The following SH2D3A variants were observed in gnomAD, a reference collection of about 807,000 sequenced individuals.
The protein encoded by SH2D3A is SH2 domain-containing protein 3A.
A neutral mutation model predicts 50.6 loss-of-function variants in SH2D3A; 46 were observed. The ratio of observed to expected loss-of-function variants is 0.91; its 90% CI spans 0.72 to 1.16. The LOEUF (loss-of-function observed/expected upper bound fraction) is 1.16, where lower values mean the gene tolerates loss of function less well. SH2D3A is among the 50% of genes most tolerant of loss of function. The pLI, the probability that SH2D3A is intolerant of heterozygous loss-of-function variation, is 0.00. For synonymous variants in SH2D3A, 377 were observed against 348.4 expected (o/e 1.08, Z -0.91); for missense variants, 783 against 786.2 (o/e 1.00, Z 0.05).
At chr19:6,756,191 TAAATA>T (rs1156936835) in intron 4 of SH2D3A, among the ~76,000 whole-genome samples, 1 of 148,320 alleles carries the variant, frequency 6.7e-6, no homozygotes, top group Non-Finnish European at 1.5e-5. Flanking sequence ...AAGTATATGT[TAAATA>T]AAATTAACAT....
chr19:6,766,598 C>T (rs1382775508), intron 1 of SH2D3A, among the ~76,000 whole-genome samples: 1 of 152,220 alleles, frequency 6.6e-6, no homozygotes, highest in Non-Finnish European at 1.5e-5. Context: ...TGACGTTGGA[C>T]GACCATTGCT....
chr19:6,765,946 C>A (rs940401992), intron 1 of SH2D3A, among the ~76,000 whole-genome samples: 8 of 152,132 alleles, frequency 5.3e-5, no homozygotes, highest in African/African-American at 1.9e-4. Flanking sequence ...GGCCTCAGGG[C>A]CAGTGTGTCT....
Position 6,763,827 on chromosome 19 carries a change from G to C in SH2D3A, c.-68-11C>G. ...CTCAGTCTTCCACATCTGTAAAAGG[G>C]GAATAATTAGCCCTGCTTGAGTGTC... On this transcript the variant is annotated splice_polypyrimidine_tract_variant and intron_variant, in intron 1 of 9. Transcript: ENST00000245908. 1 of 1,191,230 alleles carries C rather than the reference G, an allele frequency of 8.4e-7. No homozygotes were observed. Among genetic ancestry groups the C allele is most frequent in the South Asian group, 1.3e-5 (1 of 75,754 alleles). The allele number at this position is 1,191,230 out of a possible 1,614,324, so 73.8% of individuals were successfully genotyped here. A position where few individuals can be genotyped will look rare whatever the true frequency, so the allele number is the denominator to read the frequency against.
In SH2D3A at chr19:6,752,945, G is replaced by T. The variant is rs988710111; in HGVS notation, c.1571-192C>A. 8.6e-5 allele frequency: 85 copies of T among 985,364 alleles called. No individual in the cohort carries two copies. In the Admixed American group the frequency reaches 2.2e-3, roughly 26 times the overall value. The allele number at this position is 985,364 out of a possible 1,614,324, so 61.0% of individuals were successfully genotyped here. Reference sequence around the variant, plus strand: ...CCAGCTCTCTGCAGGAATGGGGGTGGGGTGCCTGAGGGGCTCTACCGCAGT... The same window carrying T: ...CCAGCTCTCTGCAGGAATGGGGGTGTGGTGCCTGAGGGGCTCTACCGCAGT... On this transcript the variant is annotated intron_variant, in intron 9 of 9. Transcript: ENST00000245908.
At chr19:6,762,829 A>T (rs184367022) in intron 2 of SH2D3A, among the ~76,000 whole-genome samples, 156 of 151,388 alleles carry the variant, frequency 1.0e-3, no homozygotes, top group Admixed American at 2.2e-3. Flanking sequence ...TGCTATCCCT[A>T]TGTTAAAGAT....
At chr19:6,757,190 TG>T (rs1258512119) in intron 4 of SH2D3A, 1 of 151,878 alleles carries the variant, frequency 6.6e-6, no homozygotes, top group Non-Finnish European at 1.5e-5. Context: ...CTAAGACTTT[TG>T]GGAGACTGTA....
chr19:6,754,055 C>A lies in SH2D3A; in HGVS notation c.1381G>T (p.Ala461Ser). 6.2e-7 allele frequency: 1 copy of A among 1,600,562 alleles called. No homozygotes were observed. Among genetic ancestry groups the A allele is most frequent in the Non-Finnish European group, 8.5e-7 (1 of 1,172,518 alleles). ...TAAGCCCCAGACCTTCACTTACCAG[C>A]GCCCTCATCCAGAGCCCGCATCAGC... ...KPLMRALDEG[A>S]GPCDPGEVAL... The change falls in exon 8 of 10, where the codon GCT becomes TCT. Residue 461 changes from alanine (A) to serine (S), a missense_variant. Ala to Ser is a moderately conservative substitution (Grantham distance 99). Transcript: ENST00000245908.
rs1190769452 is a variant in SH2D3A, at chr19:6,755,048, G to GC, written c.763dup (p.Ala255GlyfsTer10). The GC allele has an allele frequency of 1.2e-6, 2 of 1,614,038 alleles. No homozygotes were observed. Among genetic ancestry groups the GC allele is most frequent in the Non-Finnish European group, 1.7e-6 (2 of 1,180,022 alleles). ...ATCCTCCTCGGCCTCCCACCATGGG[G>GC]CCTCTGGCTCTGGGCAGCTTTGGCT... On this transcript the variant is annotated frameshift_variant, in exon 5 of 10. Coordinates refer to ENST00000245908, the MANE Select transcript of SH2D3A (RefSeq NM_005490.3). LOFTEE classifies it high-confidence loss of function.
At position 6,753,594 on chromosome 19, in the gene SH2D3A, C is replaced by G; in HGVS notation, c.1432G>C (p.Val478Leu). 3 of 1,590,468 alleles carry G rather than the reference C, an allele frequency of 1.9e-6. No individual in the cohort carries two copies. In the African/African-American group the frequency reaches 4.0e-5, roughly 21 times the overall value. The change falls in exon 9 of 10, where the codon GTT (valine) becomes CTT (leucine). Residue 478 changes from valine to leucine, a missense_variant. By Grantham distance (32) the Val-to-Leu change is conservative. Transcript: ENST00000245908. ...EVALPHVAPM[V>L]RLLEGEEVAG... ...ACTTCCTCGCCCTCCAGTAGGCGAA[C>G]CATGGGTGCCACGTGCGGCAGCGCC...
At chr19:6,753,330 G>T in intron 9 of SH2D3A, 126 bp downstream of exon 9, 1 of 1,400,028 alleles carries the variant, frequency 7.1e-7, no homozygotes, top group Non-Finnish European at 9.3e-7. Context: ...AGCCGTCCCA[G>T]TTTGGGTGGG....
chr19:6,752,820 GGCACCT>G (rs1969395215), intron 9 of SH2D3A, 67 bp from the exon 10 acceptor site: 1 of 1,446,288 alleles, frequency 6.9e-7, no homozygotes, highest in South Asian at 1.4e-5. Context: ...CCAACCTCCC[GGCACCT>G]TCCTTTCCCC....
chr19:6,759,501 G>A lies in SH2D3A; in HGVS notation c.496+93C>T, dbSNP rs932607242. 86 of 1,055,412 alleles carry A rather than the reference G, an allele frequency of 8.1e-5. No individual in the cohort carries two copies. In the African/African-American group the frequency reaches 1.3e-3, roughly 15 times the overall value. The allele number at this position is 1,055,412 out of a possible 1,614,324, so 65.4% of individuals were successfully genotyped here. A position where few individuals can be genotyped will look rare whatever the true frequency, so the allele number is the denominator to read the frequency against. On this transcript the variant is annotated intron_variant, in intron 4 of 9. Coordinates refer to ENST00000245908, the MANE Select transcript of SH2D3A (RefSeq NM_005490.3). Reference sequence around the variant, plus strand: ...TCATTTTCTAAAGCAAGAAATTGAGGCTCGAAGAGGTGCCTGCACCTGACC... The same window carrying A: ...TCATTTTCTAAAGCAAGAAATTGAGACTCGAAGAGGTGCCTGCACCTGACC...
intron 4 of SH2D3A, among the ~76,000 whole-genome samples, chr19:6,757,073 G>C (rs1448279649): frequency 6.6e-6 from 1 of 151,796 alleles, no homozygotes. Flanking sequence ...CACCATGTTG[G>C]CCAGGATGGT....
intron 2 of SH2D3A, among the ~76,000 whole-genome samples, chr19:6,762,652 A>G (rs1188299482): frequency 6.7e-6 from 1 of 148,526 alleles, no homozygotes; most frequent in Non-Finnish European, 1.5e-5. Flanking sequence ...GACAACAGGT[A>G]CATGCCACCC....
chr19:6,759,890 A>G (rs1969909798), intron 3 of SH2D3A, among the ~76,000 whole-genome samples: 1 of 152,138 alleles, frequency 6.6e-6, no homozygotes, highest in African/African-American at 2.4e-5. Flanking sequence ...TCAGCACCCT[A>G]TGATGCACAG....
rs8106067 is a variant in SH2D3A, at chr19:6,753,117, C to A, written c.1570+339G>T. The A allele has an allele frequency of 6.1e-6, 6 of 984,592 alleles. No homozygotes were observed. In the African/African-American group the frequency reaches 8.8e-5, roughly 14 times the overall value. The allele number at this position is 984,592 out of a possible 1,614,324, so 61.0% of individuals were successfully genotyped here. On this transcript the variant is annotated intron_variant, in intron 9 of 9. Coordinates refer to ENST00000245908, the MANE Select transcript of SH2D3A (RefSeq NM_005490.3). ...CCGGGTGGGCTGCCCTAGGATAGGA[C>A]GGAGGAGTCGTTTTGGAGGGAGCAG...
Position 6,760,923 on chromosome 19 carries a change from C to T in SH2D3A, c.134G>A (p.Gly45Asp). The T allele has an allele frequency of 6.2e-7, 1 of 1,614,056 alleles. No individual in the cohort carries two copies. The highest frequency in any genetic ancestry group is 1.1e-5 in the South Asian group (1 of 91,068). ...FLVRASGSRG[G>D]NPVISCRWRG... ...CCAGCGGCAGGAGATCACGGGGTTG[C>T]CCCCACGGGACCCAGAGGCGCGAAC... The change falls in exon 3 of 10, where the codon GGC becomes GAC. Residue 45 changes from glycine to aspartate, a missense_variant. Gly to Asp is a moderately conservative substitution (Grantham distance 94, BLOSUM62 -1). Coordinates refer to ENST00000245908, the MANE Select transcript of SH2D3A (RefSeq NM_005490.3).
Position 6,753,653 on chromosome 19 carries a change from G to A in SH2D3A, c.1385-12C>T, listed in dbSNP as rs746129589. The A allele has an allele frequency of 1.7e-5, 27 of 1,553,188 alleles. No individual in the cohort carries two copies. The South Asian group carries it at 3.0e-4, about 17-fold the overall frequency. On this transcript the variant is annotated splice_polypyrimidine_tract_variant and intron_variant, in intron 8 of 9. Transcript: ENST00000245908. Reference sequence around the variant, plus strand: ...GGGGTCGCAGGGTCCTGCGGAGGGGGAGGGTCTGATCAGGGTTTGGGGCTG... The same window carrying A: ...GGGGTCGCAGGGTCCTGCGGAGGGGAAGGGTCTGATCAGGGTTTGGGGCTG...
chr19:6,753,786 A>G lies in SH2D3A; in HGVS notation c.1385-145T>C, dbSNP rs574740438. The stretch of plus-strand genomic sequence containing the variant: ...GAGGGGCCAGGACCACACGCCCCGT[A>G]TGGAGGGCGGGGCCTATGGCGAAGG... On this transcript the variant is annotated intron_variant, in intron 8 of 9. Transcript: ENST00000245908. The G allele has an allele frequency of 4.9e-5, 48 of 982,200 alleles. No individual in the cohort carries two copies. The African/African-American group carries it at 5.9e-4, about 12-fold the overall frequency. 60.8% of individuals were successfully genotyped at this position (982,200 alleles called of 1,614,324 possible).
Sources: gnomAD v4.1 joint callset for allele counts (sites outside exome capture counted in the v4.1 genomes callset) on GRCh38, gnomAD v4.1.1 for gene constraint, MANE v1.5 for transcripts, NCBI Gene and HGNC (gene_info 2026-07-23, HGNC 2026-07-21) for gene names.